Variants in PDE4B observed in about 807,000 individuals in gnomAD.
PDE4B encodes the protein phosphodiesterase 4B.
Under a neutral mutation model 82.2 loss-of-function variants are expected in PDE4B, and 20 were observed. The observed-to-expected ratio is 0.24, with a 90% confidence interval of 0.17 to 0.35. The LOEUF (loss-of-function observed/expected upper bound fraction) is 0.35, where lower values mean the gene tolerates loss of function less well. Among genes scored for constraint, PDE4B ranks in the 10% least tolerant of loss-of-function variants. PDE4B has a pLI of 1.00. For missense variants in PDE4B, 655 were observed against 907.2 expected, an observed-to-expected ratio of 0.72 and a Z score of 3.57; for synonymous variants, 320 against 318.9, an observed-to-expected ratio of 1.00 and a Z score of -0.04.
intron 1 of PDE4B, among the ~76,000 whole-genome samples, chr1:65,908,895 T>G (rs1033987559): frequency 2.0e-5 from 3 of 152,178 alleles, no homozygotes; most frequent in African/African-American, 4.8e-5. Flanking sequence ...AGAAGACTTT[T>G]CCCTCTTGTC....
chr1:66,066,134 AT>A (rs1655833187), intron 3 of PDE4B, among the ~76,000 whole-genome samples: 1 of 151,644 alleles, frequency 6.6e-6, no homozygotes, highest in Admixed American at 6.6e-5. Flanking sequence ...GTATTTGTAT[AT>A]TTAAAAATAG....
Position 66,372,354 on chromosome 1 carries a change from A to T in PDE4B, c.1887A>T (p.Thr629=). 6.2e-7 allele frequency: 1 copy of T among 1,613,890 alleles called. No homozygotes were observed. The highest frequency in any genetic ancestry group is 2.2e-5 in the East Asian group (1 of 44,886). ...IDYIVHPLWE[T]WADLVQPDAQ... ...ACATTGTCCATCCATTGTGGGAGAC[A>T]TGGGCAGATTTGGTACAGCCTGATG... Residue 629 remains threonine, a synonymous_variant, in exon 17 of 17, where the codon ACA becomes ACT. Coordinates refer to ENST00000341517, the MANE Select transcript of PDE4B (RefSeq NM_002600.4).
intron 3 of PDE4B, among the ~76,000 whole-genome samples, chr1:66,008,703 T>C (rs542487666): frequency 7.2e-5 from 11 of 152,224 alleles, no homozygotes; most frequent in African/African-American, 2.6e-4. Flanking sequence ...TCTAACCAAG[T>C]TTTCTCCTCA....
intron 3 of PDE4B, among the ~76,000 whole-genome samples, chr1:66,239,321 G>A (rs79539243): frequency 0.018 from 2,778 of 152,012 alleles, 85 homozygotes; most frequent in African/African-American, 0.064. Flanking sequence ...CCCCTCCCTG[G>A]CCCTTTATAA....
At chr1:65,803,718 A>G (rs1645722296) in intron 1 of PDE4B, among the ~76,000 whole-genome samples, 1 of 152,210 alleles carries the variant, frequency 6.6e-6, no homozygotes, top group African/African-American at 2.4e-5. Context: ...TAAATCTAGA[A>G]TGGAACTTCC....
intron 3 of PDE4B, among the ~76,000 whole-genome samples, chr1:66,190,737 AC>A (rs1212860426): frequency 6.6e-6 from 1 of 151,806 alleles, no homozygotes; most frequent in Non-Finnish European, 1.5e-5. Context: ...GCCATCTGTC[AC>A]CCCTTTCTTT....
Position 66,320,470 on chromosome 1 carries a change from C to T in PDE4B, c.635-12038C>T, listed in dbSNP as rs190946034. On this transcript the variant is annotated intron_variant, in intron 7 of 16. Coordinates refer to ENST00000341517, the MANE Select transcript of PDE4B (RefSeq NM_002600.4). ...ATAGAGCTGATTAGCTGTGGTAACACTGAATAAATCAGTAAAAAGAAGGTG... is the reference window on the plus strand; with the variant it reads ...ATAGAGCTGATTAGCTGTGGTAACATTGAATAAATCAGTAAAAAGAAGGTG... Among the ~76,000 whole-genome samples the T allele has an allele frequency of 3.3e-5, 5 of 152,254 alleles. No individual in the cohort carries two copies. In the East Asian group the frequency reaches 9.6e-4, roughly 29 times the overall value.
intron 3 of PDE4B, among the ~76,000 whole-genome samples, chr1:66,102,398 C>T (rs575359800): frequency 1.5e-4 from 23 of 152,118 alleles, no homozygotes; most frequent in Non-Finnish European, 3.1e-4. Flanking sequence ...TTCTGTAAAT[C>T]AGAATTTATT....
At chr1:66,211,679 G>A (rs1433255633) in intron 3 of PDE4B, among the ~76,000 whole-genome samples, 1 of 152,170 alleles carries the variant, frequency 6.6e-6, no homozygotes, top group African/African-American at 2.4e-5. Flanking sequence ...TGTAACTTAG[G>A]GGAGCGAAGT....
intron 3 of PDE4B, among the ~76,000 whole-genome samples, chr1:65,924,100 A>T (rs1221588247): frequency 5.4e-4 from 1 of 1,848 alleles, no homozygotes; most frequent in East Asian, 0.021. Context: ...TTTGAGACGG[A>T]GTCTCGCTCT....
chr1:65,893,543 G>A (rs1646875472), intron 1 of PDE4B, among the ~76,000 whole-genome samples: 1 of 152,082 alleles, frequency 6.6e-6, no homozygotes, highest in Admixed American at 6.6e-5. Context: ...TATACTGCTC[G>A]TGGGAATGTA....
At chr1:66,029,782 A>G (rs2100793852) in intron 3 of PDE4B, among the ~76,000 whole-genome samples, 1 of 152,324 alleles carries the variant, frequency 6.6e-6, no homozygotes, top group Non-Finnish European at 1.5e-5. Context: ...AATATTTTAA[A>G]TACTGAATTT....
intron 3 of PDE4B, among the ~76,000 whole-genome samples, chr1:65,937,207 C>G (rs957202170): frequency 3.3e-5 from 5 of 152,188 alleles, no homozygotes; most frequent in Non-Finnish European, 5.9e-5. Flanking sequence ...GTTTGAGCAT[C>G]TATTAACTTA....
At chr1:65,914,818 C>T (rs929426523) in intron 2 of PDE4B, among the ~76,000 whole-genome samples, 17 of 152,104 alleles carry the variant, frequency 1.1e-4, no homozygotes, top group African/African-American at 4.1e-4. Flanking sequence ...CTGCAAGAAG[C>T]ATGCAATGGA....
chr1:66,124,014 C>T (rs964740007), intron 3 of PDE4B, among the ~76,000 whole-genome samples: 13 of 152,138 alleles, frequency 8.5e-5, no homozygotes, highest in African/African-American at 2.7e-4. Flanking sequence ...ATACAAAAAG[C>T]AAAGCAAATG....
At chr1:66,216,042 G>T (rs1440437211) in intron 3 of PDE4B, among the ~76,000 whole-genome samples, 1 of 152,030 alleles carries the variant, frequency 6.6e-6, no homozygotes, top group Non-Finnish European at 1.5e-5. Flanking sequence ...TAACAGCAAA[G>T]GGAAACTCAA....
At chr1:66,081,714 G>C (rs1279673987) in intron 3 of PDE4B, among the ~76,000 whole-genome samples, 3 of 152,052 alleles carry the variant, frequency 2.0e-5, no homozygotes, top group Non-Finnish European at 4.4e-5. Context: ...GATTTGGTCA[G>C]TGTTGTAACA....
chr1:65,867,558 C>T (rs12401980), intron 1 of PDE4B, among the ~76,000 whole-genome samples: 8,260 of 152,288 alleles, frequency 0.054, 402 homozygotes, highest in Admixed American at 0.15. Context: ...GGCATCTGAG[C>T]TCCTGAGCTA....
chr1:66,323,283 A>G (rs1384558015), intron 7 of PDE4B, among the ~76,000 whole-genome samples: 2 of 152,168 alleles, frequency 1.3e-5, no homozygotes, highest in East Asian at 1.9e-4. Flanking sequence ...CTCCCTTGAC[A>G]CTTAATTCTT....
Sources: gnomAD v4.1 joint callset for allele counts (sites outside exome capture counted in the v4.1 genomes callset) on GRCh38, gnomAD v4.1.1 for gene constraint, MANE v1.5 for transcripts, NCBI Gene and HGNC (gene_info 2026-07-23, HGNC 2026-07-21) for gene names.